The following SAMD12 variants were observed in gnomAD, a reference collection of about 807,000 sequenced individuals.
SAMD12 encodes the protein sterile alpha motif domain containing 12.
Under a neutral mutation model 15.0 loss-of-function variants are expected in SAMD12, and 9 were observed. That is an observed-to-expected ratio of 0.60 (90% CI 0.36 to 1.05). SAMD12 has a LOEUF of 1.05. SAMD12 is among the 50% of genes least tolerant of loss of function. The pLI, the probability that SAMD12 is intolerant of heterozygous loss-of-function variation, is 0.01. For synonymous variants in SAMD12, 86 were observed against 90.1 expected (o/e 0.96, Z 0.25); for missense variants, 230 against 234.2 (o/e 0.98, Z 0.12).
At chr8:118,497,969 A>G (rs1824674621) in intron 2 of SAMD12, among the ~76,000 whole-genome samples, 1 of 152,202 alleles carries the variant, frequency 6.6e-6, no homozygotes, top group Non-Finnish European at 1.5e-5. Context: ...AGGCAGAAAC[A>G]GATGGAGAAT....
rs187475974 is a variant in SAMD12 at position 118,540,232 on chromosome 8, T to C, written c.192+40483A>G. On this transcript the variant is annotated intron_variant, in intron 2 of 3. Transcript: ENST00000314727. ...GTCTCTCTCATCATCCTAAGGTGAC[T>C]CCAAATTCTTCCAGGGTAGTGGTTC... Among the ~76,000 whole-genome samples the C allele has an allele frequency of 3.0e-3, 452 of 152,312 alleles. 1 individual carries two copies. Among genetic ancestry groups the C allele is most frequent in the Non-Finnish European group, 5.0e-3 (343 of 68,020 alleles).
chr8:118,520,428 T>G (rs192764661), intron 2 of SAMD12, among the ~76,000 whole-genome samples: 2 of 152,296 alleles, frequency 1.3e-5, no homozygotes, highest in East Asian at 3.9e-4. Context: ...AAAAATCACT[T>G]TCTCAGAAGT....
At chr8:118,456,863 A>C (rs111879408) in intron 2 of SAMD12, among the ~76,000 whole-genome samples, 412 of 152,344 alleles carry the variant, frequency 2.7e-3, no homozygotes, top group Non-Finnish European at 4.6e-3. Context: ...AACAAATCTA[A>C]TAAGGAAGTT....
At chr8:118,331,721 C>T (rs1816813791) in intron 4 of SAMD12, among the ~76,000 whole-genome samples, 1 of 152,180 alleles carries the variant, frequency 6.6e-6, no homozygotes. Context: ...AAATATTAAT[C>T]TTGAAACAAG....
At chr8:118,602,627 T>C (rs936444812) in intron 1 of SAMD12, among the ~76,000 whole-genome samples, 1 of 152,192 alleles carries the variant, frequency 6.6e-6, no homozygotes, top group East Asian at 1.9e-4. Flanking sequence ...ATATTGGCTT[T>C]TATCTGGGTA....
intron 4 of SAMD12, among the ~76,000 whole-genome samples, chr8:118,296,522 A>C (rs1814722963): frequency 6.6e-6 from 1 of 152,150 alleles, no homozygotes; most frequent in African/African-American, 2.4e-5. Flanking sequence ...CTGGATTGTA[A>C]ATTCCCCGAA....
chr8:118,445,183 A>G (rs1472495378), intron 2 of SAMD12, among the ~76,000 whole-genome samples: 1 of 152,204 alleles, frequency 6.6e-6, no homozygotes, highest in Admixed American at 6.5e-5. Flanking sequence ...ACACATACAC[A>G]ACAAACCATT....
intron 4 of SAMD12, among the ~76,000 whole-genome samples, chr8:118,355,464 T>TA (rs1485760117): frequency 2.0e-5 from 3 of 152,080 alleles, no homozygotes; most frequent in Non-Finnish European, 4.4e-5. Context: ...AAATAACTAC[T>TA]AAAAAACTTA....
chr8:118,363,077 T>C (rs1334296629), intron 4 of SAMD12, among the ~76,000 whole-genome samples: 2 of 152,232 alleles, frequency 1.3e-5, no homozygotes, highest in African/African-American at 4.8e-5. Context: ...GTCTCAAGTG[T>C]TAATTTCTTT....
chr8:118,614,823 C>G (rs1828202472), intron 1 of SAMD12, among the ~76,000 whole-genome samples: 1 of 152,172 alleles, frequency 6.6e-6, no homozygotes, highest in Non-Finnish European at 1.5e-5. Context: ...GATTCTTGCA[C>G]CCACACTTTA....
the SAMD12 span, among the ~76,000 whole-genome samples, chr8:118,147,454 C>T: frequency 1.1e-3 from 161 of 150,344 alleles, 2 homozygotes; most frequent in African/African-American, 3.5e-3. Context: ...TGCGCCTCCC[C>T]GGTTCAAGTG....
chr8:118,223,179 C>T (rs1586359251), intron 4 of SAMD12, among the ~76,000 whole-genome samples: 1 of 152,304 alleles, frequency 6.6e-6, no homozygotes, highest in East Asian at 1.9e-4. Context: ...AATATCTTCT[C>T]TTGACAGCCT....
intron 4 of SAMD12, among the ~76,000 whole-genome samples, chr8:118,262,590 G>T (rs1408478948): frequency 6.6e-6 from 1 of 152,078 alleles, no homozygotes; most frequent in Non-Finnish European, 1.5e-5. Flanking sequence ...AAGAAAATGA[G>T]GTGGCGGCAC....
intron 4 of SAMD12, among the ~76,000 whole-genome samples, chr8:118,273,209 T>C (rs555298792): frequency 6.6e-6 from 1 of 152,300 alleles, no homozygotes; most frequent in East Asian, 1.9e-4. Flanking sequence ...GAAGAAAACA[T>C]GTCCTTCTTC....
the SAMD12 span, among the ~76,000 whole-genome samples, chr8:118,142,691 C>G: frequency 6.6e-6 from 1 of 152,198 alleles, no homozygotes; most frequent in African/African-American, 2.4e-5. Flanking sequence ...GAATCCTTGG[C>G]TATCTTTGCT....
chr8:118,213,664 A>G (rs943982758), intron 4 of SAMD12, among the ~76,000 whole-genome samples: 1 of 152,152 alleles, frequency 6.6e-6, no homozygotes, highest in Admixed American at 6.5e-5. Flanking sequence ...ATCAAAATTC[A>G]CTACCCTGTT....
chr8:118,230,783 C>T (rs1812295272), intron 4 of SAMD12, among the ~76,000 whole-genome samples: 1 of 152,082 alleles, frequency 6.6e-6, no homozygotes, highest in Non-Finnish European at 1.5e-5. Flanking sequence ...GGAAAGAAGG[C>T]TGGTGTGCCT....
exon 5 of SAMD12, chr8:118,191,691 G>A (rs1043124280): frequency 1.4e-5 from 2 of 144,532 alleles, no homozygotes; most frequent in African/African-American, 5.1e-5. Context: ...CATAGAGCCA[G>A]CAGGCAGTTC....
chr8:118,537,398 C>A (rs1416807704), intron 2 of SAMD12, among the ~76,000 whole-genome samples: 1 of 152,130 alleles, frequency 6.6e-6, no homozygotes, highest in African/African-American at 2.4e-5. Flanking sequence ...CTCTTTAGGG[C>A]AATAACTCTT....
Sources: gnomAD v4.1 joint callset for allele counts (sites outside exome capture counted in the v4.1 genomes callset) on GRCh38, gnomAD v4.1.1 for gene constraint, MANE v1.5 for transcripts, NCBI Gene and HGNC (gene_info 2026-07-23, HGNC 2026-07-21) for gene names.